SESTD1: variants seen among roughly 807,000 people sequenced by gnomAD.
SESTD1 encodes SEC14 and spectrin domain containing 1, also known as SEC14 domain and spectrin repeat-containing protein 1.
In SESTD1, 43 loss-of-function variants were observed where a neutral mutation model predicts 101.7. The observed-to-expected ratio is 0.42, with a 90% CI of 0.33 to 0.55. The LOEUF (loss-of-function observed/expected upper bound fraction) is 0.55. Among genes scored for constraint, SESTD1 ranks in the 20% least tolerant of loss-of-function variants. The pLI, the probability that SESTD1 is intolerant of heterozygous loss-of-function variation, is 0.07. For missense variants in SESTD1, 647 were observed against 815.1 expected (o/e 0.79, Z 2.51); for synonymous variants, 283 against 286.8 (o/e 0.99, Z 0.13).
rs2044436683 is a variant in SESTD1 at position 179,108,539 on chromosome 2, C to T, written c.*1360G>A. Reference sequence around the variant, plus strand: ...GTAGGGGCACTGGATGTGGATTTCTCCAAGAAGTCTGTCAGTCAGTGAAGA... The same window carrying T: ...GTAGGGGCACTGGATGTGGATTTCTTCAAGAAGTCTGTCAGTCAGTGAAGA... On this transcript the variant is annotated 3_prime_UTR_variant, in exon 18 of 18. Coordinates refer to ENST00000428443, the MANE Select transcript of SESTD1 (RefSeq NM_178123.5). 6.6e-6 allele frequency: 1 copy of T among 151,636 alleles called. No homozygotes were observed. Among genetic ancestry groups the T allele is most frequent in the Non-Finnish European group, 1.5e-5 (1 of 67,954 alleles). 9.4% of individuals were successfully genotyped at this position (151,636 alleles called of 1,614,324 possible).
At chr2:179,115,996 T>C (rs1290622174) in intron 15 of SESTD1, among the ~76,000 whole-genome samples, 1 of 151,694 alleles carries the variant, frequency 6.6e-6, no homozygotes, top group Admixed American at 6.6e-5. Flanking sequence ...CTTTTTGGCT[T>C]GGCGCGGTGG....
At chr2:179,125,585 C>A (rs758373118) in intron 10 of SESTD1, among the ~76,000 whole-genome samples, 1 of 152,176 alleles carries the variant, frequency 6.6e-6, no homozygotes, top group Non-Finnish European at 1.5e-5. Context: ...GAGGGAGACA[C>A]ATCTCAGATG....
At chr2:179,260,627 C>T (rs1330175030) in intron 1 of SESTD1, among the ~76,000 whole-genome samples, 1 of 152,144 alleles carries the variant, frequency 6.6e-6, no homozygotes, top group Non-Finnish European at 1.5e-5. Flanking sequence ...TGTTCCAGAG[C>T]ACAGAAAAAA....
intron 1 of SESTD1, among the ~76,000 whole-genome samples, chr2:179,198,058 G>A (rs1192465063): frequency 6.6e-6 from 1 of 152,138 alleles, no homozygotes; most frequent in East Asian, 1.9e-4. Flanking sequence ...CTGTATTCAG[G>A]AAACCCACCT....
At chr2:179,185,109 G>A (rs2166534) in intron 2 of SESTD1, among the ~76,000 whole-genome samples, 98,083 of 151,632 alleles carry the variant, frequency 0.65, 32,825 homozygotes, top group East Asian at 0.85. Flanking sequence ...GAAAAAATAG[G>A]AATTGAAACA....
Position 179,233,476 on chromosome 2 carries a change from T to TGG in SESTD1, c.-26+31021_-26+31022dup, listed in dbSNP as rs1396186191. 1.1e-4 allele frequency among the ~76,000 whole-genome samples: 17 copies of TGG among 152,220 alleles called. No individual in the cohort carries two copies. The East Asian group carries it at 3.3e-3, about 29-fold the overall frequency. On this transcript the variant is annotated intron_variant, in intron 1 of 17. Coordinates refer to ENST00000428443, the MANE Select transcript of SESTD1 (RefSeq NM_178123.5). The stretch of plus-strand genomic sequence containing the variant: ...TGCTTTTGCTTTTGTTTTTTTAAGA[T>TGG]GGAGTCTCGCTCTGTCACCCAGGCT...
intron 1 of SESTD1, among the ~76,000 whole-genome samples, chr2:179,234,207 T>C (rs1212124922): frequency 6.6e-6 from 1 of 152,192 alleles, no homozygotes; most frequent in African/African-American, 2.4e-5. Flanking sequence ...TCTTCCTGCC[T>C]GATGGCCTTC....
chr2:179,236,257 A>G (rs13391602), intron 1 of SESTD1, among the ~76,000 whole-genome samples: 66,781 of 149,568 alleles, frequency 0.45, 17,687 homozygotes, highest in African/African-American at 0.75. Flanking sequence ...GGAAGCTAAG[A>G]CAGGAGGATT....
intron 1 of SESTD1, among the ~76,000 whole-genome samples, chr2:179,226,359 G>A (rs2046885794): frequency 6.6e-6 from 1 of 152,156 alleles, no homozygotes; most frequent in Non-Finnish European, 1.5e-5. Context: ...CAGGCATGCC[G>A]GCAGAACTCC....
intron 1 of SESTD1, among the ~76,000 whole-genome samples, chr2:179,248,491 A>C (rs2047266068): frequency 6.6e-6 from 1 of 152,150 alleles, no homozygotes; most frequent in Non-Finnish European, 1.5e-5. Flanking sequence ...AAATATTAGC[A>C]AATAGTATTC....
chr2:179,256,021 C>CAA (rs150797497), intron 1 of SESTD1, among the ~76,000 whole-genome samples: 16 of 136,956 alleles, frequency 1.2e-4, no homozygotes, highest in Non-Finnish European at 2.4e-4. Context: ...GCTGCTCAGA[C>CAA]AAAAAAAAAA....
intron 5 of SESTD1, among the ~76,000 whole-genome samples, chr2:179,166,299 G>A (rs966228479): frequency 6.6e-6 from 1 of 152,096 alleles, no homozygotes; most frequent in East Asian, 1.9e-4. Context: ...GCCTGGGTGA[G>A]GGGAAGAGCA....
intron 5 of SESTD1, among the ~76,000 whole-genome samples, chr2:179,165,668 T>C (rs1053488162): frequency 6.6e-6 from 1 of 152,212 alleles, no homozygotes; most frequent in African/African-American, 2.4e-5. Context: ...ACTATGCTTT[T>C]GTCTCTTTTT....
intron 1 of SESTD1, among the ~76,000 whole-genome samples, chr2:179,239,655 C>T (rs1486117747): frequency 6.6e-6 from 1 of 152,158 alleles, no homozygotes; most frequent in African/African-American, 2.4e-5. Flanking sequence ...AGGTAAACAA[C>T]ATATGCAGCT....
At chr2:179,191,624 A>G (rs10175456) in intron 2 of SESTD1, among the ~76,000 whole-genome samples, 163 bp downstream of exon 2, 136 of 152,308 alleles carry the variant, frequency 8.9e-4, no homozygotes, top group African/African-American at 3.0e-3. Context: ...GAACCAGTAC[A>G]GAGTTAGCTC....
At chr2:179,220,038 C>CA (rs995019944) in intron 1 of SESTD1, among the ~76,000 whole-genome samples, 6 of 151,948 alleles carry the variant, frequency 3.9e-5, no homozygotes, top group South Asian at 2.1e-4. Flanking sequence ...CCTTAAGAGA[C>CA]AAAAAAATCT....
chr2:179,227,496 T>C (rs1266731823), intron 1 of SESTD1, among the ~76,000 whole-genome samples: 2 of 152,148 alleles, frequency 1.3e-5, no homozygotes, highest in African/African-American at 4.8e-5. Context: ...AGAATTGAGG[T>C]AACAAAATTT....
chr2:179,197,774 C>T (rs1469914729), intron 1 of SESTD1, among the ~76,000 whole-genome samples: 2 of 152,012 alleles, frequency 1.3e-5, no homozygotes, highest in Non-Finnish European at 2.9e-5. Context: ...GATTTTGTCA[C>T]CACCAGGCCT....
intron 1 of SESTD1, among the ~76,000 whole-genome samples, chr2:179,237,944 C>G (rs1361252914): frequency 6.6e-6 from 1 of 152,130 alleles, no homozygotes; most frequent in Non-Finnish European, 1.5e-5. Flanking sequence ...TCCACATAGT[C>G]AAAAATCCAC....
Sources: allele counts gnomAD v4.1 joint callset (sites outside exome capture counted in the v4.1 genomes callset), GRCh38; gene constraint gnomAD v4.1.1; transcripts MANE v1.5; gene names NCBI Gene and HGNC (gene_info 2026-07-23, HGNC 2026-07-21).